PTCHD4: variants seen among roughly 807,000 people sequenced by gnomAD.
The protein encoded by PTCHD4 is patched domain-containing protein 4.
In PTCHD4, 33 loss-of-function variants were observed where a neutral mutation model predicts 58.1. That is an observed-to-expected ratio of 0.57 (90% CI 0.43 to 0.76). The LOEUF (loss-of-function observed/expected upper bound fraction) is 0.76, where lower values mean the gene tolerates loss of function less well. Ranked by LOEUF, PTCHD4 falls within the 30% of genes least tolerant of loss-of-function variation. The pLI, the probability that PTCHD4 is intolerant of heterozygous loss-of-function variation, is 0.00. For missense variants in PTCHD4, 1,058 were observed against 1,027.1 expected (o/e 1.03, Z -0.41); for synonymous variants, 478 against 409.6 (o/e 1.17, Z -2.02).
At chr6:48,102,794 C>G (rs1372964220) in intron 1 of PTCHD4, among the ~76,000 whole-genome samples, 1 of 152,246 alleles carries the variant, frequency 6.6e-6, no homozygotes, top group African/African-American at 2.4e-5. Context: ...AAACGACACA[C>G]CAGGAGATTA....
intron 4 of PTCHD4, among the ~76,000 whole-genome samples, chr6:47,942,829 G>A (rs1207557707): frequency 6.6e-6 from 1 of 152,166 alleles, no homozygotes; most frequent in East Asian, 1.9e-4. Flanking sequence ...TCTCTCAGGT[G>A]CAAAACGATT....
Position 47,956,075 on chromosome 6 carries a change from T to A in PTCHD4, c.898+52559A>T, listed in dbSNP as rs962636782. Among the ~76,000 whole-genome samples, 5 of 152,354 alleles carry A rather than the reference T, an allele frequency of 3.3e-5. 1 individual carries two copies. In the South Asian group the frequency reaches 8.3e-4, roughly 25 times the overall value. Reference sequence around the variant, plus strand: ...GCTCAATTCCCATTTATGTTGTTTCTGAATGAATGAGTAGTACAGCACTGG... The same window carrying A: ...GCTCAATTCCCATTTATGTTGTTTCAGAATGAATGAGTAGTACAGCACTGG... On this transcript the variant is annotated intron_variant, in intron 4 of 4. Coordinates refer to ENST00000339488, the MANE Select transcript of PTCHD4 (RefSeq NM_001384253.1).
At chr6:47,914,746 A>G (rs1426252164) in intron 4 of PTCHD4, among the ~76,000 whole-genome samples, 1 of 103,110 alleles carries the variant, frequency 9.7e-6, no homozygotes, top group Non-Finnish European at 2.2e-5. Flanking sequence ...TCTATCTATT[A>G]TCTATCTATC....
intron 3 of PTCHD4, among the ~76,000 whole-genome samples, chr6:48,027,872 AAT>A (rs1417826954): frequency 6.6e-6 from 1 of 152,120 alleles, no homozygotes; most frequent in African/African-American, 2.4e-5. Flanking sequence ...AACTACCAGA[AAT>A]AATAAGGGTG....
intron 4 of PTCHD4, among the ~76,000 whole-genome samples, chr6:47,952,511 A>G (rs2113949786): frequency 6.6e-6 from 1 of 152,196 alleles, no homozygotes; most frequent in South Asian, 2.1e-4. Flanking sequence ...CCATGCAACC[A>G]CACCCACATA....
intron 3 of PTCHD4, among the ~76,000 whole-genome samples, chr6:48,038,981 C>A (rs1460988453): frequency 1.7e-4 from 26 of 152,178 alleles, no homozygotes; most frequent in Non-Finnish European, 7.4e-5. Context: ...CTTTGAGAAA[C>A]CTTTGGAATT....
rs934049513 is a variant in PTCHD4, at chr6:47,857,740, T to C, written c.*20563A>G. 1.3e-5 allele frequency among the ~76,000 whole-genome samples: 2 copies of C among 151,960 alleles called. No homozygotes were observed. Among genetic ancestry groups the C allele is most frequent in the Non-Finnish European group, 2.9e-5 (2 of 67,954 alleles). On this transcript the variant is annotated 3_prime_UTR_variant, in exon 5 of 5. Coordinates refer to ENST00000339488, the MANE Select transcript of PTCHD4 (RefSeq NM_001384253.1). The stretch of plus-strand genomic sequence containing the variant: ...CATTTGGGGAACAGGAATGAAAACA[T>C]TGTGAAGTAAATCATCTAGTAAAGA...
At chr6:48,108,064 C>A (rs1369378377) in intron 1 of PTCHD4, among the ~76,000 whole-genome samples, 1 of 152,138 alleles carries the variant, frequency 6.6e-6, no homozygotes, top group East Asian at 1.9e-4. Context: ...GGATCTAGAA[C>A]TAGAAATACG....
rs1763674559 is a variant in PTCHD4 at position 47,870,080 on chromosome 6, A to G, written c.*8223T>C. On this transcript the variant is annotated 3_prime_UTR_variant, in exon 5 of 5. Transcript: ENST00000339488. ...GTATAATTTATCACTACTTTAATATATAAATTATTTCTATTATTATGACTA... is the reference window on the plus strand; with the variant it reads ...GTATAATTTATCACTACTTTAATATGTAAATTATTTCTATTATTATGACTA... Among the ~76,000 whole-genome samples the G allele has an allele frequency of 1.3e-5, 2 of 151,694 alleles. No individual in the cohort carries two copies. Among genetic ancestry groups the G allele is most frequent in the African/African-American group, 4.8e-5 (2 of 41,396 alleles).
intron 4 of PTCHD4, among the ~76,000 whole-genome samples, chr6:47,933,439 A>G (rs1296672505): frequency 1.3e-5 from 2 of 152,188 alleles, no homozygotes; most frequent in African/African-American, 2.4e-5. Context: ...CACTGGAGAG[A>G]GCTTGGCTGA....
chr6:48,014,608 C>T (rs953747676), intron 3 of PTCHD4, among the ~76,000 whole-genome samples: 1 of 152,038 alleles, frequency 6.6e-6, no homozygotes, highest in African/African-American at 2.4e-5. Context: ...CAAATGTTTA[C>T]ATAATAATTA....
chr6:48,056,271 G>T (rs1312105868), intron 3 of PTCHD4, among the ~76,000 whole-genome samples: 3 of 152,266 alleles, frequency 2.0e-5, no homozygotes, highest in African/African-American at 7.2e-5. Context: ...AATAAGAAAG[G>T]TTCTAAGTAA....
chr6:48,095,549 G>C (rs1026102176), intron 1 of PTCHD4, among the ~76,000 whole-genome samples: 5 of 152,044 alleles, frequency 3.3e-5, no homozygotes, highest in Admixed American at 2.0e-4. Context: ...ACCGGGTGTG[G>C]CGTGGCGGGG....
At chr6:48,102,340 A>C in intron 1 of PTCHD4, among the ~76,000 whole-genome samples, 1 of 152,240 alleles carries the variant, frequency 6.6e-6, no homozygotes, top group East Asian at 1.9e-4. Context: ...CAAATATCTG[A>C]TTGAAAATTA....
intron 4 of PTCHD4, chr6:47,900,112 G>T (rs1358842518): frequency 1.3e-5 from 2 of 152,102 alleles, no homozygotes; most frequent in African/African-American, 2.4e-5. Context: ...GTTTTGTGTG[G>T]ATAAATATTT....
intron 4 of PTCHD4, among the ~76,000 whole-genome samples, chr6:47,983,977 G>A: frequency 6.6e-6 from 1 of 151,936 alleles, no homozygotes; most frequent in South Asian, 2.1e-4. Context: ...TTGTAATACA[G>A]TATATTTAAA....
At chr6:48,095,156 A>T (rs772369634) in intron 1 of PTCHD4, among the ~76,000 whole-genome samples, 8 of 152,230 alleles carry the variant, frequency 5.3e-5, no homozygotes, top group Non-Finnish European at 1.2e-4. Flanking sequence ...TGTACTTTAT[A>T]CGTGTCTGTT....
At chr6:47,920,856 A>G (rs1382300751) in intron 4 of PTCHD4, among the ~76,000 whole-genome samples, 1 of 152,186 alleles carries the variant, frequency 6.6e-6, no homozygotes, top group Non-Finnish European at 1.5e-5. Context: ...AGGATAAGAT[A>G]AGGAAATTGG....
intron 4 of PTCHD4, among the ~76,000 whole-genome samples, chr6:47,894,861 G>T (rs1764486802): frequency 1.3e-5 from 2 of 152,224 alleles, no homozygotes; most frequent in Non-Finnish European, 2.9e-5. Flanking sequence ...GCTGGGTGTG[G>T]TAGCTCATGC....
Sources: gnomAD v4.1 joint callset for allele counts (sites outside exome capture counted in the v4.1 genomes callset) on GRCh38, gnomAD v4.1.1 for gene constraint, MANE v1.5 for transcripts, NCBI Gene and HGNC (gene_info 2026-07-23, HGNC 2026-07-21) for gene names.